The following CYP11A1 variants were observed in gnomAD, a reference collection of about 807,000 sequenced individuals.
The protein encoded by CYP11A1 is cytochrome P450 family 11 subfamily A member 1, also known as cholesterol side-chain cleavage enzyme, mitochondrial.
Under a neutral mutation model 51.9 loss-of-function variants are expected in CYP11A1, and 25 were observed. The ratio of observed to expected loss-of-function variants is 0.48; its 90% CI spans 0.35 to 0.67. CYP11A1 has a LOEUF of 0.67. Ranked by LOEUF, CYP11A1 falls within the 30% of genes least tolerant of loss-of-function variation. The pLI is 0.00. For synonymous variants in CYP11A1, 245 were observed against 262.1 expected (o/e 0.93, Z 0.63); for missense variants, 578 against 680.9 (o/e 0.85, Z 1.68).
Position 74,339,661 on chromosome 15 carries a change from G to T in CYP11A1, c.1083C>A (p.His361Gln). The change falls in exon 6 of 9, where the codon CAC becomes CAA. Residue 361 changes from histidine to glutamine, a missense_variant. Physicochemically the swap from His to Gln is conservative, Grantham distance 24. Transcript: ENST00000268053. ...MLRAEVLAAR[H>Q]QAQGDMATML... ...TCGTGGCCATGTCTCCCTGGGCCTGGTGCCGCGCAGCCAAGACCTCTGCCC... is the reference window on the plus strand; with the variant it reads ...TCGTGGCCATGTCTCCCTGGGCCTGTTGCCGCGCAGCCAAGACCTCTGCCC... The T allele has an allele frequency of 6.2e-7, 1 of 1,614,130 alleles. No individual in the cohort carries two copies. Among genetic ancestry groups the T allele is most frequent in the Non-Finnish European group, 8.5e-7 (1 of 1,180,012 alleles).
At chr15:74,366,277 A>ATTTTTTTTTTTTTTTTTTTTTT (rs759681873) in intron 1 of CYP11A1, 1 of 682,450 alleles carries the variant, frequency 1.5e-6, no homozygotes, top group Non-Finnish European at 1.7e-6. Flanking sequence ...CCCTCCCCCG[A>ATTTTTTTTTTTTTTTTTTTTTT]TTTTTTTTTT....
intron 1 of CYP11A1, among the ~76,000 whole-genome samples, chr15:74,348,926 A>G (rs1023077207): frequency 6.6e-6 from 1 of 152,110 alleles, no homozygotes; most frequent in Admixed American, 6.5e-5. Flanking sequence ...AGGTTTTGCC[A>G]TGTTGCCCAG....
At chr15:74,343,170 GT>G (rs780093958) in intron 4 of CYP11A1, 33 bp from the exon 5 acceptor site, 6 of 1,611,972 alleles carry the variant, frequency 3.7e-6, no homozygotes, top group Non-Finnish European at 5.1e-6. Context: ...AAAGAGTGAG[GT>G]TCCCTGCAGG....
chr15:74,346,042 T>G (rs1177330235), intron 2 of CYP11A1, among the ~76,000 whole-genome samples: 1 of 152,168 alleles, frequency 6.6e-6, no homozygotes, highest in African/African-American at 2.4e-5. Flanking sequence ...AAATATATAC[T>G]AGTGTTTAAC....
rs767217819 is a variant in CYP11A1, at chr15:74,338,754, C to T, written c.1251G>A (p.Val417=). The T allele has an allele frequency of 6.2e-7, 1 of 1,614,098 alleles. No homozygotes were observed. Among genetic ancestry groups the T allele is most frequent in the South Asian group, 1.1e-5 (1 of 91,076 alleles). Residue 417 remains valine (V), a synonymous_variant, in exon 8 of 9, where the codon GTG becomes GTA. Coordinates refer to ENST00000268053, the MANE Select transcript of CYP11A1 (RefSeq NM_000781.3). ...YMIPAKTLVQ[V]AIYALGREPT... ...GCTCTCGGCCCAGAGCATAGATGGC[C>T]ACTTGCACCAGTGTCTGGGGCAAGG...
chr15:74,366,277 A>ATTTTTTTTTTTTTTTTTTTTTTTTT (rs759681873), intron 1 of CYP11A1: 1 of 682,450 alleles, frequency 1.5e-6, no homozygotes, highest in Non-Finnish European at 1.7e-6. Flanking sequence ...CCCTCCCCCG[A>ATTTTTTTTTTTTTTTTTTTTTTTTT]TTTTTTTTTT....
chr15:74,347,982 C>T lies in CYP11A1; in HGVS notation c.343G>A (p.Gly115Ser). 1 of 1,614,186 alleles carries T rather than the reference C, an allele frequency of 6.2e-7. No individual in the cohort carries two copies. Among genetic ancestry groups the T allele is most frequent in the Non-Finnish European group, 8.5e-7 (1 of 1,180,030 alleles). The change falls in exon 2 of 9, where the codon GGC becomes AGC. Residue 115 changes from glycine (G) to serine (S), a missense_variant. Gly to Ser is a moderately conservative substitution (Grantham distance 56). Transcript: ENST00000268053. ...ATGAGGAATCGTTCTGGGTTGGGGC[C>T]CTCGGACTTAAAGAGAAGGGCCACA... ...EDVALLFKSE[G>S]PNPERFLIPP...
At position 74,339,283 on chromosome 15, in the gene CYP11A1, T is replaced by C; in HGVS notation, c.1190A>G (p.Tyr397Cys). 6.2e-7 allele frequency: 1 copy of C among 1,614,202 alleles called. No individual in the cohort carries two copies. Among genetic ancestry groups the C allele is most frequent in the South Asian group, 1.1e-5 (1 of 91,086 alleles). The change falls in exon 7 of 9, where the codon TAT becomes TGT. Residue 397 changes from tyrosine (Y) to cysteine (C), a missense_variant. Transcript: ENST00000268053. ...TCGAAGAACCAAGTCATTTACAAGA[T>C]ATCTCTGCAGGGTCACGGAGATGGG... ...LHPISVTLQRYLVNDLVLRDY... is the reference protein window; with the variant it reads ...LHPISVTLQRCLVNDLVLRDY...
chr15:74,347,335 G>A (rs1457076382), intron 2 of CYP11A1, among the ~76,000 whole-genome samples: 1 of 152,118 alleles, frequency 6.6e-6, no homozygotes, highest in East Asian at 1.9e-4. Context: ...CCTGTGCCGG[G>A]GGGCAGAGGC....
chr15:74,362,407 T>C (rs1357904239), intron 1 of CYP11A1: 4 of 193,030 alleles, frequency 2.1e-5, no homozygotes, highest in Non-Finnish European at 4.3e-5. Context: ...GCAAGAGGGC[T>C]GATGTTATAA....
At chr15:74,348,945 C>A (rs1036130943) in intron 1 of CYP11A1, among the ~76,000 whole-genome samples, 1 of 152,142 alleles carries the variant, frequency 6.6e-6, no homozygotes, top group Non-Finnish European at 1.5e-5. Flanking sequence ...AGGCTGGTCT[C>A]AAACTTCTGG....
chr15:74,367,529 A>T lies in CYP11A1; in HGVS notation c.57T>A (p.Phe19Leu). The change falls in exon 1 of 9, where the codon TTT becomes TTA. Residue 19 changes from phenylalanine to leucine, a missense_variant. Physicochemically the swap from Phe to Leu is conservative, Grantham distance 22. Transcript: ENST00000268053. The part of the protein sequence containing the change: ...RSVLVKGCQT[F>L]LSAPREGLGR... ...CCAGCCCCTCCCTGGGGGCACTCAG[A>T]AAGGTCTGGCAGCCTTTGACCAGGA... 1.9e-6 allele frequency: 3 copies of T among 1,614,164 alleles called. No individual in the cohort carries two copies. Among genetic ancestry groups the T allele is most frequent in the Non-Finnish European group, 1.7e-6 (2 of 1,179,996 alleles).
intron 3 of CYP11A1, among the ~76,000 whole-genome samples, chr15:74,344,212 G>A (rs2060622020): frequency 6.6e-6 from 1 of 152,226 alleles, no homozygotes; most frequent in African/African-American, 2.4e-5. Context: ...CTGCAGAGGG[G>A]CATGTGGAGG....
Position 74,348,054 on chromosome 15 carries a change from C to T in CYP11A1, c.271G>A (p.Glu91Lys), listed in dbSNP as rs546976108. The T allele has an allele frequency of 6.2e-7, 1 of 1,614,094 alleles. No homozygotes were observed. The highest frequency in any genetic ancestry group is 1.1e-5 in the South Asian group (1 of 91,066). Reference protein sequence around the residue: ...NFQKYGPIYREKLGNVESVYV... With the variant: ...NFQKYGPIYRKKLGNVESVYV... ...ACCGACTCCACGTTGCCGAGCTTCTCCCTGGAGGGGTGGGGGAGAGGGGCT... is the reference window on the plus strand; with the variant it reads ...ACCGACTCCACGTTGCCGAGCTTCTTCCTGGAGGGGTGGGGGAGAGGGGCT... The change falls in exon 2 of 9, where the codon GAG becomes AAG. Residue 91 changes from glutamate (E) to lysine (K), a missense_variant and splice_region_variant. Coordinates refer to ENST00000268053, the MANE Select transcript of CYP11A1 (RefSeq NM_000781.3).
chr15:74,354,300 C>A (rs1464646176), intron 1 of CYP11A1, among the ~76,000 whole-genome samples: 2 of 152,166 alleles, frequency 1.3e-5, no homozygotes, highest in East Asian at 3.9e-4. Context: ...CTTCTCCTGG[C>A]TCTTCTGGCT....
intron 1 of CYP11A1, among the ~76,000 whole-genome samples, chr15:74,349,451 C>A (rs749424263): frequency 8.5e-5 from 13 of 152,160 alleles, no homozygotes; most frequent in African/African-American, 3.1e-4. Context: ...AAAGCCTGGG[C>A]CTACCTTGAT....
chr15:74,365,732 CG>C, intron 1 of CYP11A1: 2 of 985,536 alleles, frequency 2.0e-6, no homozygotes, highest in Non-Finnish European at 2.4e-6. Flanking sequence ...GCGCCACTGT[CG>C]GCTCCGGTGG....
rs941141726 is a variant in CYP11A1 at position 74,342,977 on chromosome 15, C to G, written c.990G>C (p.Thr330=). 1.9e-6 allele frequency: 3 copies of G among 1,612,108 alleles called. No homozygotes were observed. In the African/African-American group the frequency reaches 4.0e-5, roughly 22 times the overall value. The stretch of plus-strand genomic sequence containing the variant: ...GGTGCCGCCCCTACAGCCACCTCAC[C>G]GTGTCCACCCCTCCTGCCAGCATCT... ...VTEMLAGGVD[T]TSMTLQWHLY... Residue 330 remains threonine (T), a splice_region_variant and synonymous_variant, in exon 5 of 9, where the codon ACG becomes ACC. Coordinates refer to ENST00000268053, the MANE Select transcript of CYP11A1 (RefSeq NM_000781.3).
chr15:74,344,129 TA>T, intron 3 of CYP11A1, 137 bp from the exon 4 acceptor site: 3 of 712,200 alleles, frequency 4.2e-6, no homozygotes, highest in Non-Finnish European at 7.2e-6. Context: ...CTTCAGTAAA[TA>T]AATTGAGGCC....
Sources: gnomAD v4.1 joint callset for allele counts (sites outside exome capture counted in the v4.1 genomes callset) on GRCh38, gnomAD v4.1.1 for gene constraint, MANE v1.5 for transcripts, NCBI Gene and HGNC (gene_info 2026-07-23, HGNC 2026-07-21) for gene names.